The following ABL1 variants were observed in gnomAD, a reference collection of about 807,000 sequenced individuals.
ABL1 encodes the protein ABL proto-oncogene 1, non-receptor tyrosine kinase.
ABL1 carries 11 observed loss-of-function variants against 94.7 expected under a neutral mutation model. That is an observed-to-expected ratio of 0.12 (90% CI 0.07 to 0.19). The LOEUF (loss-of-function observed/expected upper bound fraction) is 0.19, where lower values mean the gene tolerates loss of function less well. Ranked by LOEUF, ABL1 falls within the 10% of genes least tolerant of loss-of-function variation. ABL1 has a pLI of 1.00. For synonymous variants in ABL1, 656 were observed against 622.4 expected, an observed-to-expected ratio of 1.05 and a Z score of -0.80; for missense variants, 1,082 against 1,489.4, an observed-to-expected ratio of 0.73 and a Z score of 4.50.
chr9:130,731,998 C>A (rs895011478), intron 1 of ABL1, among the ~76,000 whole-genome samples: 2 of 151,640 alleles, frequency 1.3e-5, no homozygotes, highest in African/African-American at 4.8e-5. Flanking sequence ...CTGCTTCTTT[C>A]CAATTCACCT....
chr9:130,748,621 AC>A (rs1831917783), intron 1 of ABL1, among the ~76,000 whole-genome samples: 1 of 147,888 alleles, frequency 6.8e-6, no homozygotes, highest in South Asian at 2.1e-4. Flanking sequence ...TGTCGCCCAC[AC>A]TGGAGTGCAG....
Position 130,762,382 on chromosome 9 carries a change from TTGTG to T in ABL1, c.136+47930_136+47933del, listed in dbSNP as rs1832127760. Among the ~76,000 whole-genome samples the T allele has an allele frequency of 3.3e-5, 5 of 152,256 alleles. No individual in the cohort carries two copies. The South Asian group carries it at 1.0e-3, about 32-fold the overall frequency. ...ATATAAAACATGGTAATTTTTAAAT[TTGTG>T]TGGTGTGCATGTGTGTGCACTTTTG... On this transcript the variant is annotated intron_variant, in intron 1 of 10. Transcript: ENST00000372348.
At chr9:130,748,856 C>T (rs1428903667) in intron 1 of ABL1, among the ~76,000 whole-genome samples, 2 of 152,130 alleles carry the variant, frequency 1.3e-5, no homozygotes, top group Non-Finnish European at 2.9e-5. Context: ...GGATTGCAGG[C>T]GTGAGCCACT....
chr9:130,754,208 G>GAAA (rs146151861), intron 1 of ABL1, among the ~76,000 whole-genome samples: 1 of 96,476 alleles, frequency 1.0e-5, no homozygotes, highest in Non-Finnish European at 2.1e-5. Flanking sequence ...CTCTGTCTCA[G>GAAA]AAAAAAAAAA....
At chr9:130,760,534 C>T (rs1320636518) in intron 1 of ABL1, among the ~76,000 whole-genome samples, 3 of 152,102 alleles carry the variant, frequency 2.0e-5, no homozygotes, top group African/African-American at 4.8e-5. Flanking sequence ...CATAAAATAA[C>T]GGAAAATATT....
chr9:130,729,116 G>C (rs531201403), intron 1 of ABL1, among the ~76,000 whole-genome samples: 2 of 152,202 alleles, frequency 1.3e-5, no homozygotes, highest in South Asian at 4.2e-4. Flanking sequence ...CCAGACACCC[G>C]GCCCTTAGAA....
chr9:130,763,108 ATT>A (rs1209177288), intron 1 of ABL1, among the ~76,000 whole-genome samples: 1 of 151,116 alleles, frequency 6.6e-6, no homozygotes, highest in Non-Finnish European at 1.5e-5. Flanking sequence ...TCAGTATGAC[ATT>A]TGTTTCAGCC....
intron 8 of ABL1, among the ~76,000 whole-genome samples, chr9:130,879,800 G>T (rs970252731): frequency 6.6e-6 from 1 of 152,222 alleles, no homozygotes; most frequent in South Asian, 2.1e-4. Flanking sequence ...GAGCGGGACT[G>T]GGAAAAATAT....
At chr9:130,879,668 T>C (rs35058020) in intron 8 of ABL1, among the ~76,000 whole-genome samples, 4,411 of 152,358 alleles carry the variant, frequency 0.029, 186 homozygotes, top group African/African-American at 0.098. Context: ...TTTGTCAGTC[T>C]GTTTAGTCCT....
chr9:130,857,446 T>A (rs1419808764), intron 3 of ABL1, among the ~76,000 whole-genome samples: 1 of 152,230 alleles, frequency 6.6e-6, no homozygotes, highest in Non-Finnish European at 1.5e-5. Flanking sequence ...CTTTATGCCA[T>A]TTAGTAAATT....
intron 1 of ABL1, among the ~76,000 whole-genome samples, chr9:130,729,684 T>C (rs1254507873): frequency 1.3e-5 from 2 of 152,162 alleles, no homozygotes; most frequent in South Asian, 2.1e-4. Flanking sequence ...CAAAAGGATA[T>C]CTAATACCAC....
At chr9:130,762,396 T>C (rs1832127906) in intron 1 of ABL1, among the ~76,000 whole-genome samples, 1 of 152,192 alleles carries the variant, frequency 6.6e-6, no homozygotes, top group Non-Finnish European at 1.5e-5. Flanking sequence ...GTGGTGTGCA[T>C]GTGTGTGCAC....
chr9:130,800,574 T>C (rs371391883), intron 1 of ABL1, among the ~76,000 whole-genome samples: 24 of 152,322 alleles, frequency 1.6e-4, no homozygotes, highest in African/African-American at 2.9e-4. Context: ...CAAACACTTA[T>C]CCACTTTCTG....
At chr9:130,855,271 G>T (rs1278600388) in intron 3 of ABL1, among the ~76,000 whole-genome samples, 175 bp downstream of exon 3, 1 of 152,182 alleles carries the variant, frequency 6.6e-6, no homozygotes, top group South Asian at 2.1e-4. Flanking sequence ...GATCCGTTCT[G>T]TGATATTACA....
chr9:130,796,971 C>T (rs1829983510), intron 1 of ABL1, among the ~76,000 whole-genome samples: 1 of 146,934 alleles, frequency 6.8e-6, no homozygotes, highest in Non-Finnish European at 1.5e-5. Flanking sequence ...GGCACAGTGG[C>T]TCACGCCTGT....
chr9:130,774,340 G>T (rs1299859820), intron 1 of ABL1, among the ~76,000 whole-genome samples: 1 of 152,118 alleles, frequency 6.6e-6, no homozygotes, highest in African/African-American at 2.4e-5. Context: ...CAGGATCGCT[G>T]GTCATATGGT....
intron 8 of ABL1, among the ~76,000 whole-genome samples, chr9:130,879,143 C>T (rs139675640): frequency 2.0e-5 from 3 of 152,334 alleles, no homozygotes; most frequent in African/African-American, 7.2e-5. Flanking sequence ...TCCCAAAGTG[C>T]TGCGATTACA....
chr9:130,784,134 A>G (rs910771786), intron 1 of ABL1, among the ~76,000 whole-genome samples: 5 of 152,222 alleles, frequency 3.3e-5, no homozygotes, highest in African/African-American at 4.8e-5. Context: ...CTCTAAAATC[A>G]GGGTACATCT....
intron 1 of ABL1, among the ~76,000 whole-genome samples, chr9:130,790,690 G>C (rs965330928): frequency 1.5e-4 from 23 of 151,458 alleles, no homozygotes; most frequent in African/African-American, 5.4e-4. Flanking sequence ...CCCAGGCTGG[G>C]TTTGAACTCA....
Sources: allele counts gnomAD v4.1 joint callset (sites outside exome capture counted in the v4.1 genomes callset), GRCh38; gene constraint gnomAD v4.1.1; transcripts MANE v1.5; gene names NCBI Gene and HGNC (gene_info 2026-07-23, HGNC 2026-07-21).